Variants in TNFAIP8 observed in about 807,000 individuals in gnomAD.
The protein encoded by TNFAIP8 is tumor necrosis factor alpha-induced protein 8.
In TNFAIP8, 7 loss-of-function variants were observed where a neutral mutation model predicts 13.3. The ratio of observed to expected loss-of-function variants is 0.52; its 90% CI spans 0.30 to 0.99. The LOEUF (loss-of-function observed/expected upper bound fraction) is 0.99, where lower values mean the gene tolerates loss of function less well. TNFAIP8 is among the 50% of genes least tolerant of loss of function. The pLI, the probability that TNFAIP8 is intolerant of heterozygous loss-of-function variation, is 0.07. For missense variants in TNFAIP8, 258 were observed against 236.9 expected (o/e 1.09, Z -0.58); for synonymous variants, 94 against 87.6 (o/e 1.07, Z -0.41).
chr5:119,365,558 G>A (rs1220636986), intron 1 of TNFAIP8, among the ~76,000 whole-genome samples: 2 of 152,190 alleles, frequency 1.3e-5, no homozygotes, highest in Non-Finnish European at 2.9e-5. Context: ...GCCCAGGCCT[G>A]CCTCTTCATT....
chr5:119,290,308 T>C (rs1748941336), intron 1 of TNFAIP8, among the ~76,000 whole-genome samples: 1 of 152,186 alleles, frequency 6.6e-6, no homozygotes, highest in African/African-American at 2.4e-5. Flanking sequence ...TCCCATAGGA[T>C]TGTAGTCGGT....
intron 1 of TNFAIP8, among the ~76,000 whole-genome samples, chr5:119,359,667 C>T (rs1751561381): frequency 6.6e-6 from 1 of 152,168 alleles, no homozygotes; most frequent in Non-Finnish European, 1.5e-5. Context: ...CTGTTTTAAC[C>T]TCACATGGTG....
intron 1 of TNFAIP8, among the ~76,000 whole-genome samples, chr5:119,349,418 GCA>G (rs894969877): frequency 1.3e-5 from 2 of 152,190 alleles, no homozygotes; most frequent in African/African-American, 4.8e-5. Context: ...GCAAACAAAA[GCA>G]CAGAGAGGTT....
intron 1 of TNFAIP8, 139 bp downstream of exon 1, chr5:119,356,260 G>A: frequency 1.4e-6 from 1 of 724,522 alleles, no homozygotes; most frequent in Non-Finnish European, 2.2e-6. Context: ...AAGCCAAGTC[G>A]GAGCTGGATA....
At chr5:119,304,048 A>G (rs899091830) in intron 1 of TNFAIP8, among the ~76,000 whole-genome samples, 1 of 152,082 alleles carries the variant, frequency 6.6e-6, no homozygotes, top group African/African-American at 2.4e-5. Flanking sequence ...TACGATACAG[A>G]TCGGATCCTG....
chr5:119,301,467 G>T lies in TNFAIP8; in HGVS notation c.1+32560G>T, dbSNP rs541088860. ...CAGTCCTCTCTCAGCAGCAGCAGCT[G>T]CTTCTTTCCCTGGGTTTTCATGACA... On this transcript the variant is annotated intron_variant, in intron 1 of 1. Coordinates refer to the TNFAIP8 transcript ENST00000274456. Among the ~76,000 whole-genome samples the T allele has an allele frequency of 1.4e-4, 22 of 152,286 alleles. No homozygotes were observed. In the East Asian group the frequency reaches 3.3e-3, roughly 23 times the overall value.
intron 1 of TNFAIP8, among the ~76,000 whole-genome samples, chr5:119,278,374 AGAGTGTGTGTGTGTGTGT>A (rs947036699): frequency 2.3e-4 from 28 of 123,112 alleles, no homozygotes; most frequent in African/African-American, 9.8e-4. Context: ...AGAGAGAGAG[AGAGTGTGTGTGTGTGTGT>A]GTGTGTGTGT....
At chr5:119,354,094 G>C (rs546628804), upstream of TNFAIP8, among the ~76,000 whole-genome samples, 1 of 152,316 alleles carries the variant, frequency 6.6e-6, no homozygotes, top group South Asian at 2.1e-4. Context: ...TGGTGAGGGA[G>C]CATTTCTTTG....
intron 1 of TNFAIP8, among the ~76,000 whole-genome samples, chr5:119,389,488 G>T (rs1156976264): frequency 2.0e-5 from 3 of 152,160 alleles, no homozygotes; most frequent in Non-Finnish European, 4.4e-5. Context: ...AAGGGATCTG[G>T]TAGAGCATGT....
Position 119,393,007 on chromosome 5 carries a change from C to G in TNFAIP8, c.223C>G (p.Leu75Val). The G allele has an allele frequency of 5.6e-6, 9 of 1,613,150 alleles. No homozygotes were observed. Among genetic ancestry groups the G allele is most frequent in the Non-Finnish European group, 7.6e-6 (9 of 1,179,550 alleles). The change falls in exon 2 of 2, where the codon CTC becomes GTC. Residue 75 changes from leucine (L) to valine (V), a missense_variant. By Grantham distance (32) the Leu-to-Val change is conservative. Transcript: ENST00000504771. ...KKEAEKIIKN[L>V]IKTVIKLAIL... ...GGAGGCAGAGAAGATCATCAAGAAC[C>G]TCATCAAGACAGTCATCAAGCTGGC...
Position 119,291,353 on chromosome 5 carries a change from G to A in TNFAIP8, c.1+22446G>A, listed in dbSNP as rs78431537. ...ACATGTGTGTACAGCCACTGTTTTC[G>A]GCCTGTCATGCATAATTTACAGTTA... On this transcript the variant is annotated intron_variant, in intron 1 of 1. Coordinates refer to the TNFAIP8 transcript ENST00000274456. 3.3e-5 allele frequency among the ~76,000 whole-genome samples: 5 copies of A among 152,280 alleles called. No individual in the cohort carries two copies. The East Asian group carries it at 5.8e-4, about 18-fold the overall frequency.
intron 1 of TNFAIP8, among the ~76,000 whole-genome samples, chr5:119,290,565 C>G (rs1214163380): frequency 6.6e-6 from 1 of 152,296 alleles, no homozygotes; most frequent in African/African-American, 2.4e-5. Context: ...TCAAGCTTTG[C>G]TTGATCTCCA....
chr5:119,355,202 C>A, upstream of TNFAIP8: 1 of 680,424 alleles, frequency 1.5e-6, no homozygotes, highest in South Asian at 1.6e-5. Context: ...CTGAAAACCT[C>A]CCCTTTGGCA....
At chr5:119,382,732 T>A (rs890301429) in intron 1 of TNFAIP8, among the ~76,000 whole-genome samples, 2 of 152,174 alleles carry the variant, frequency 1.3e-5, no homozygotes, top group African/African-American at 4.8e-5. Context: ...ACATGAGCAC[T>A]CAGTAGCAGG....
chr5:119,328,976 A>G (rs933001469), intron 1 of TNFAIP8, among the ~76,000 whole-genome samples: 3 of 152,218 alleles, frequency 2.0e-5, no homozygotes, highest in African/African-American at 7.2e-5. Flanking sequence ...TTTGCTTTCT[A>G]AATGCTGATT....
At chr5:119,357,130 C>T (rs977063045) in intron 1 of TNFAIP8, among the ~76,000 whole-genome samples, 5 of 152,188 alleles carry the variant, frequency 3.3e-5, no homozygotes, top group African/African-American at 1.2e-4. Context: ...ACTGATTCCC[C>T]TCCCAGAGGA....
chr5:119,382,646 C>T (rs1356637333), intron 1 of TNFAIP8, among the ~76,000 whole-genome samples: 1 of 152,168 alleles, frequency 6.6e-6, no homozygotes, highest in Non-Finnish European at 1.5e-5. Context: ...GGATTACTTT[C>T]ATTTAATCCT....
intron 1 of TNFAIP8, among the ~76,000 whole-genome samples, chr5:119,300,785 A>T (rs1005954360): frequency 5.3e-5 from 8 of 152,002 alleles, no homozygotes; most frequent in African/African-American, 1.9e-4. Flanking sequence ...ATTGGAACAT[A>T]TTTTTCATTA....
At chr5:119,367,393 G>C (rs2112803804) in intron 1 of TNFAIP8, among the ~76,000 whole-genome samples, 1 of 152,318 alleles carries the variant, frequency 6.6e-6, no homozygotes, top group South Asian at 2.1e-4. Flanking sequence ...TTTTGTCGTA[G>C]AGGATGGGAG....
Sources: gnomAD v4.1 joint callset for allele counts (sites outside exome capture counted in the v4.1 genomes callset) on GRCh38, gnomAD v4.1.1 for gene constraint, MANE v1.5 for transcripts, NCBI Gene and HGNC (gene_info 2026-07-23, HGNC 2026-07-21) for gene names.